The following ZDHHC7 variants were observed in gnomAD, a reference collection of about 807,000 sequenced individuals.
ZDHHC7 encodes the protein palmitoyltransferase ZDHHC7.
In ZDHHC7, 12 loss-of-function variants were observed where a neutral mutation model predicts 34.1. The ratio of observed to expected loss-of-function variants is 0.35; its 90% CI spans 0.23 to 0.57. The LOEUF is 0.57. Ranked by LOEUF, ZDHHC7 falls within the 20% of genes least tolerant of loss-of-function variation. ZDHHC7 has a pLI of 0.84. For synonymous variants in ZDHHC7, 185 were observed against 155.4 expected (o/e 1.19, Z -1.42); for missense variants, 388 against 402.7 (o/e 0.96, Z 0.31).
At chr16:84,976,762 G>C (rs181576839) in intron 7 of ZDHHC7, among the ~76,000 whole-genome samples, 3 of 152,210 alleles carry the variant, frequency 2.0e-5, no homozygotes, top group East Asian at 1.9e-4. Context: ...AACATTTGTC[G>C]CTCGTTAGTT....
At chr16:84,979,666 T>C (rs1038358103) in intron 4 of ZDHHC7, among the ~76,000 whole-genome samples, 1 of 152,162 alleles carries the variant, frequency 6.6e-6, no homozygotes, top group African/African-American at 2.4e-5. Flanking sequence ...AAACATTCTT[T>C]GTATCTTCAA....
chr16:85,017,114 A>T, the ZDHHC7 span, among the ~76,000 whole-genome samples: 1 of 152,174 alleles, frequency 6.6e-6, no homozygotes, highest in Non-Finnish European at 1.5e-5. Context: ...CAACTTGTTC[A>T]ATTTTTTAAT....
chr16:85,002,356 C>G (rs563820049), intron 1 of ZDHHC7, among the ~76,000 whole-genome samples: 1 of 152,230 alleles, frequency 6.6e-6, no homozygotes, highest in Non-Finnish European at 1.5e-5. Flanking sequence ...CCACCTCAGT[C>G]AGCCAGGTGT....
At chr16:84,987,692 C>T (rs1291750955) in intron 3 of ZDHHC7, among the ~76,000 whole-genome samples, 2 of 152,180 alleles carry the variant, frequency 1.3e-5, no homozygotes, top group Non-Finnish European at 2.9e-5. Context: ...AAGCAGAACT[C>T]GCCCAGATGC....
intron 1 of ZDHHC7, among the ~76,000 whole-genome samples, chr16:85,000,542 G>T (rs1033629462): frequency 1.3e-5 from 2 of 152,156 alleles, no homozygotes; most frequent in African/African-American, 4.8e-5. Context: ...TGCTAAGAAT[G>T]TCCACCCTAG....
chr16:85,022,482 C>T, the ZDHHC7 span, among the ~76,000 whole-genome samples: 2 of 152,204 alleles, frequency 1.3e-5, no homozygotes, highest in African/African-American at 4.8e-5. Flanking sequence ...GAGATTGCGC[C>T]ACTGGACTCC....
At chr16:85,013,392 G>A (rs983734699), upstream of ZDHHC7, among the ~76,000 whole-genome samples, 1 of 151,974 alleles carries the variant, frequency 6.6e-6, no homozygotes, top group Non-Finnish European at 1.5e-5. Context: ...ACAGGGGCCC[G>A]CCACCACGTC....
chr16:85,001,368 A>G (rs7197049), intron 1 of ZDHHC7, among the ~76,000 whole-genome samples: 95,496 of 151,134 alleles, frequency 0.63, 32,478 homozygotes, highest in African/African-American at 0.89. Context: ...CTACTTGGGC[A>G]GCTGAGGCAG....
At chr16:85,002,883 A>T (rs1277312272) in intron 1 of ZDHHC7, among the ~76,000 whole-genome samples, 2 of 151,690 alleles carry the variant, frequency 1.3e-5, no homozygotes, top group African/African-American at 2.4e-5. Flanking sequence ...GGGAGGGCCT[A>T]TGGAGACCGC....
At chr16:84,997,054 C>T (rs1004437954) in intron 1 of ZDHHC7, among the ~76,000 whole-genome samples, 2 of 150,718 alleles carry the variant, frequency 1.3e-5, no homozygotes, top group African/African-American at 4.9e-5. Context: ...AATCCAAACA[C>T]GATTCATGAA....
intron 1 of ZDHHC7, 91 bp from the exon 2 acceptor site, chr16:84,996,098 G>A (rs887386905): frequency 2.0e-5 from 3 of 152,092 alleles, no homozygotes; most frequent in East Asian, 1.9e-4. Flanking sequence ...TTTTTGGAGC[G>A]TAACATTTGA....
chr16:85,011,088 G>C (rs956914176), intron 1 of ZDHHC7, among the ~76,000 whole-genome samples, 198 bp downstream of exon 1: 1 of 152,256 alleles, frequency 6.6e-6, no homozygotes, highest in Non-Finnish European at 1.5e-5. Context: ...GAGCAACTAA[G>C]GAATGACAAG....
intron 3 of ZDHHC7, among the ~76,000 whole-genome samples, chr16:84,983,246 A>T (rs1268031268): frequency 1.3e-5 from 2 of 152,224 alleles, no homozygotes; most frequent in Non-Finnish European, 2.9e-5. Flanking sequence ...GGCAAATGGA[A>T]GGTGGGAGCT....
At chr16:85,009,777 T>A (rs565539805) in intron 1 of ZDHHC7, among the ~76,000 whole-genome samples, 1 of 150,876 alleles carries the variant, frequency 6.6e-6, no homozygotes, top group African/African-American at 2.4e-5. Flanking sequence ...GGCGCGATCT[T>A]GGCTCACTGC....
intron 1 of ZDHHC7, among the ~76,000 whole-genome samples, chr16:85,009,949 C>A (rs9935439): frequency 0.039 from 5,950 of 152,062 alleles, 317 homozygotes; most frequent in African/African-American, 0.12. Flanking sequence ...ACTTCGTGAT[C>A]CGCCCGCCTC....
chr16:84,983,087 T>C (rs1270272825), intron 3 of ZDHHC7, among the ~76,000 whole-genome samples: 1 of 152,216 alleles, frequency 6.6e-6, no homozygotes, highest in African/African-American at 2.4e-5. Flanking sequence ...TTCCAATGCC[T>C]CAAGAAGAGG....
rs1440544174 is a variant in ZDHHC7, at chr16:84,976,430, T to G, written c.840A>C (p.Ser280=). 6.2e-7 allele frequency: 1 copy of G among 1,613,824 alleles called. No individual in the cohort carries two copies. Among genetic ancestry groups the G allele is most frequent in the East Asian group, 2.2e-5 (1 of 44,832 alleles). The change falls in exon 8 of 8, where the codon TCA becomes TCC. Residue 280 remains serine, a synonymous_variant. Coordinates refer to ENST00000313732, the MANE Select transcript of ZDHHC7 (RefSeq NM_017740.3). ...GMKSVFGGPP[S]LLWMNPFVGF... is the part of the protein sequence containing the mutation. Reference sequence around the variant, plus strand: ...CCACAAAGGGATTCATCCAGAGGAGTGAGGGGGGCCCCCCAAAGACGGACT... The same window carrying G: ...CCACAAAGGGATTCATCCAGAGGAGGGAGGGGGGCCCCCCAAAGACGGACT...
intron 3 of ZDHHC7, 58 bp from the exon 4 acceptor site, chr16:84,982,052 C>G: frequency 6.2e-7 from 1 of 1,605,132 alleles, no homozygotes. Context: ...AAACATCAGG[C>G]CGGGCGCAGT....
intron 1 of ZDHHC7, among the ~76,000 whole-genome samples, chr16:85,009,978 G>A (rs965750858): frequency 7.9e-5 from 12 of 151,650 alleles, no homozygotes; most frequent in East Asian, 3.9e-4. Context: ...AAAGTGCTGG[G>A]ATCACAGGCA....
Sources: gnomAD v4.1 joint callset for allele counts (sites outside exome capture counted in the v4.1 genomes callset) on GRCh38, gnomAD v4.1.1 for gene constraint, MANE v1.5 for transcripts, NCBI Gene and HGNC (gene_info 2026-07-23, HGNC 2026-07-21) for gene names.